Variants in PCLO observed in about 807,000 individuals in gnomAD.
PCLO encodes the protein protein piccolo.
In PCLO, 82 loss-of-function variants were observed where a neutral mutation model predicts 427.5. The observed-to-expected ratio is 0.19, with a 90% CI of 0.16 to 0.23. The LOEUF is 0.23. PCLO is among the 10% of genes least tolerant of loss of function. PCLO has a pLI of 1.00. For missense variants in PCLO, 6,239 were observed against 6,115.9 expected, an observed-to-expected ratio of 1.02 and a Z score of -0.67; for synonymous variants, 2,357 against 2,155.4, an observed-to-expected ratio of 1.09 and a Z score of -2.59.
At chr7:82,949,133 T>C (rs975552648) in intron 6 of PCLO, among the ~76,000 whole-genome samples, 2 of 152,212 alleles carry the variant, frequency 1.3e-5, no homozygotes, top group African/African-American at 4.8e-5. Flanking sequence ...CTACAGTTGA[T>C]ATTTGGGAGA....
At chr7:83,070,970 T>C (rs1789800520) in intron 3 of PCLO, among the ~76,000 whole-genome samples, 1 of 152,184 alleles carries the variant, frequency 6.6e-6, no homozygotes, top group African/African-American at 2.4e-5. Context: ...GTAAGTATCA[T>C]TATTGCTGAT....
chr7:83,065,427 G>A (rs946022878), intron 3 of PCLO, among the ~76,000 whole-genome samples: 3 of 150,272 alleles, frequency 2.0e-5, no homozygotes, highest in African/African-American at 7.3e-5. Context: ...ACAATTTTGT[G>A]GGGGAGTTTT....
intron 3 of PCLO, among the ~76,000 whole-genome samples, chr7:83,122,012 G>C (rs184657368): frequency 9.9e-5 from 15 of 152,078 alleles, no homozygotes; most frequent in Non-Finnish European, 2.1e-4. Context: ...ACATACACTA[G>C]TCAATTAATG....
At chr7:83,009,572 A>T (rs1248947561) in intron 3 of PCLO, among the ~76,000 whole-genome samples, 1 of 151,894 alleles carries the variant, frequency 6.6e-6, no homozygotes, top group Non-Finnish European at 1.5e-5. Flanking sequence ...TAATTTCTGT[A>T]CTAAGAGATT....
intron 15 of PCLO, among the ~76,000 whole-genome samples, chr7:82,837,866 T>C (rs879736086): frequency 6.6e-6 from 1 of 151,982 alleles, no homozygotes; most frequent in Non-Finnish European, 1.5e-5. Context: ...ATTTCTCAGA[T>C]AAATTTGGGA....
At position 82,818,797 on chromosome 7, in the gene PCLO, T is replaced by G. The variant is rs530328323; in HGVS notation, c.14791+3698A>C. Among the ~76,000 whole-genome samples, 11 of 152,316 alleles carry G rather than the reference T, an allele frequency of 7.2e-5. No homozygotes were observed. In the South Asian group the frequency reaches 2.3e-3, roughly 32 times the overall value. On this transcript the variant is annotated intron_variant, in intron 20 of 24. Coordinates refer to ENST00000333891, the MANE Select transcript of PCLO (RefSeq NM_033026.6). ...TATTGAAATAACTACCTCATCCACT[T>G]AATGTGATAAAATGAGAAATGGATG...
intron 20 of PCLO, among the ~76,000 whole-genome samples, chr7:82,817,119 G>T (rs184042073): frequency 1.3e-5 from 2 of 152,238 alleles, no homozygotes; most frequent in East Asian, 3.9e-4. Flanking sequence ...TATCACCAGA[G>T]AAATAGGTAT....
chr7:82,894,819 A>C (rs1410286051), intron 9 of PCLO, among the ~76,000 whole-genome samples: 1 of 152,064 alleles, frequency 6.6e-6, no homozygotes, highest in Non-Finnish European at 1.5e-5. Flanking sequence ...TTAAACTGGG[A>C]GACTGGGAAT....
At chr7:82,782,722 A>G (rs1790898732) in intron 22 of PCLO, among the ~76,000 whole-genome samples, 1 of 152,222 alleles carries the variant, frequency 6.6e-6, no homozygotes, top group Admixed American at 6.5e-5. Context: ...ACTACGGTTC[A>G]CTGTTATGTT....
intron 3 of PCLO, among the ~76,000 whole-genome samples, chr7:82,973,338 G>C (rs1795947013): frequency 6.6e-6 from 1 of 151,990 alleles, no homozygotes; most frequent in African/African-American, 2.4e-5. Flanking sequence ...ACTGACACCA[G>C]AATAATTCAT....
chr7:82,951,051 G>A lies in PCLO; in HGVS notation c.9537C>T (p.Asp3179=). 1 of 1,613,868 alleles carries A rather than the reference G, an allele frequency of 6.2e-7. No individual in the cohort carries two copies. Among genetic ancestry groups the A allele is most frequent in the South Asian group, 1.1e-5 (1 of 91,080 alleles). ...TMESLTAETI[D]SVPTLTTASE... Reference sequence around the variant, plus strand: ...ATGCTGTGGTTAAAGTGGGAACAGAGTCTATCGTCTCAGCAGTAAGAGACT... The same window carrying A: ...ATGCTGTGGTTAAAGTGGGAACAGAATCTATCGTCTCAGCAGTAAGAGACT... The change falls in exon 6 of 25, where the codon GAC becomes GAT. Residue 3179 remains aspartate, a synonymous_variant. Coordinates refer to ENST00000333891, the MANE Select transcript of PCLO (RefSeq NM_033026.6).
chr7:82,891,609 C>T (rs962935184), intron 9 of PCLO, among the ~76,000 whole-genome samples: 4 of 152,076 alleles, frequency 2.6e-5, no homozygotes, highest in South Asian at 4.1e-4. Flanking sequence ...TCCCTGTCTT[C>T]TGCCAGTTTT....
chr7:83,154,792 C>G lies in PCLO; in HGVS notation c.1849G>C (p.Val617Leu), dbSNP rs1339394626. The G allele has an allele frequency of 6.2e-7, 1 of 1,613,968 alleles. No homozygotes were observed. The highest frequency in any genetic ancestry group is 2.2e-5 in the East Asian group (1 of 44,876). Residue 617 changes from valine (V) to leucine (L), a missense_variant, in exon 2 of 25, where the codon GTC becomes CTC. This residue lies in a region of PCLO where 4,677 missense variants were observed against 4,468.4 expected (regional missense o/e 1.05). Coordinates refer to ENST00000333891, the MANE Select transcript of PCLO (RefSeq NM_033026.6). ...GGATTAAAACCACAGAGACTACAGACAGTGGTTTGACACTCAGTGCATGTG... is the reference window on the plus strand; with the variant it reads ...GGATTAAAACCACAGAGACTACAGAGAGTGGTTTGACACTCAGTGCATGTG... ...FNTCTECQTTVCSLCGFNPNP... is the reference protein window; with the variant it reads ...FNTCTECQTTLCSLCGFNPNP...
chr7:82,886,627 G>A (rs1480090630), intron 9 of PCLO, among the ~76,000 whole-genome samples: 4 of 152,176 alleles, frequency 2.6e-5, no homozygotes, highest in Admixed American at 1.3e-4. Context: ...ATTTGCCTTC[G>A]GTGAAGGAGG....
intron 6 of PCLO, among the ~76,000 whole-genome samples, chr7:82,945,980 G>C (rs569546373): frequency 6.6e-6 from 1 of 152,286 alleles, no homozygotes; most frequent in South Asian, 2.1e-4. Context: ...TATAGAGTCA[G>C]GGCACGGGTT....
At chr7:82,976,773 T>C (rs941678314) in intron 3 of PCLO, among the ~76,000 whole-genome samples, 2 of 152,220 alleles carry the variant, frequency 1.3e-5, no homozygotes, top group Non-Finnish European at 2.9e-5. Context: ...ACATGTCAGA[T>C]GACTGGTATG....
In PCLO at chr7:82,803,193, T is replaced by C. The variant is rs927843829; in HGVS notation, c.14934-1602A>G. On this transcript the variant is annotated intron_variant, in intron 21 of 24. Coordinates refer to ENST00000333891, the MANE Select transcript of PCLO (RefSeq NM_033026.6). ...GTTAGCATTAGAGGGGAAAAAAAGC[T>C]TAATAGCAGTAATCTTACTTTTATC... 3.9e-5 allele frequency among the ~76,000 whole-genome samples: 6 copies of C among 152,024 alleles called. 1 individual carries two copies. Among genetic ancestry groups the C allele is most frequent in the Non-Finnish European group, 8.8e-5 (6 of 67,948 alleles).
intron 22 of PCLO, among the ~76,000 whole-genome samples, chr7:82,773,185 C>T (rs905310998): frequency 2.6e-5 from 4 of 152,086 alleles, no homozygotes; most frequent in Non-Finnish European, 5.9e-5. Flanking sequence ...TCTTTAAACT[C>T]GGAATAACAT....
intron 3 of PCLO, among the ~76,000 whole-genome samples, chr7:83,006,284 A>C (rs1787943788): frequency 6.6e-6 from 1 of 151,694 alleles, no homozygotes; most frequent in African/African-American, 2.4e-5. Context: ...AATCCACAGA[A>C]TGTGGCATTT....
Sources: gnomAD v4.1 joint callset for allele counts (sites outside exome capture counted in the v4.1 genomes callset) on GRCh38, gnomAD v4.1.1 for gene constraint, gnomAD v4.1.1 regional missense constraint, MANE v1.5 for transcripts, NCBI Gene and HGNC (gene_info 2026-07-23, HGNC 2026-07-21) for gene names.